Variants in JAM2 observed in about 807,000 individuals in gnomAD.
JAM2 encodes the protein junctional adhesion molecule B.
A neutral mutation model predicts 42.0 loss-of-function variants in JAM2; 17 were observed. The ratio of observed to expected loss-of-function variants is 0.40; its 90% CI spans 0.28 to 0.61. The LOEUF is 0.61. JAM2 is among the 20% of genes least tolerant of loss of function. The pLI, the probability that JAM2 is intolerant of heterozygous loss-of-function variation, is 0.37. For synonymous variants in JAM2, 118 were observed against 128.6 expected, an observed-to-expected ratio of 0.92 and a Z score of 0.56; for missense variants, 319 against 358.3, an observed-to-expected ratio of 0.89 and a Z score of 0.89.
At chr21:25,684,228 G>C (rs2033700483) in intron 2 of JAM2, among the ~76,000 whole-genome samples, 1 of 152,212 alleles carries the variant, frequency 6.6e-6, no homozygotes, top group South Asian at 2.1e-4. Flanking sequence ...CTGGGAGATG[G>C]AGAGCTTGGA....
chr21:25,678,094 C>T (rs1234377476), intron 1 of JAM2, among the ~76,000 whole-genome samples: 4 of 151,988 alleles, frequency 2.6e-5, no homozygotes, highest in African/African-American at 7.2e-5. Flanking sequence ...GGTGTGGTGA[C>T]GCATGCCTGT....
chr21:25,697,520 A>G (rs2034064840), intron 4 of JAM2, among the ~76,000 whole-genome samples: 1 of 152,186 alleles, frequency 6.6e-6, no homozygotes, highest in Non-Finnish European at 1.5e-5. Context: ...TGAGACCAGA[A>G]TAACACTAAT....
chr21:25,642,797 T>C (rs992845840), intron 1 of JAM2, among the ~76,000 whole-genome samples: 1 of 152,178 alleles, frequency 6.6e-6, no homozygotes, highest in Non-Finnish European at 1.5e-5. Flanking sequence ...CTGTTGATTC[T>C]ATGGTGCCTT....
intron 1 of JAM2, among the ~76,000 whole-genome samples, chr21:25,657,383 A>T (rs1394684942): frequency 6.6e-6 from 1 of 152,230 alleles, no homozygotes; most frequent in Admixed American, 6.5e-5. Context: ...TGGCAGGTTC[A>T]AAAGGACAGG....
chr21:25,685,608 A>G (rs2033735263), intron 2 of JAM2, among the ~76,000 whole-genome samples: 1 of 151,886 alleles, frequency 6.6e-6, no homozygotes, highest in African/African-American at 2.4e-5. Context: ...TTATTAGGTT[A>G]ACTAAGTTCT....
chr21:25,681,250 G>A (rs373502648), intron 1 of JAM2, among the ~76,000 whole-genome samples: 4 of 152,202 alleles, frequency 2.6e-5, no homozygotes, highest in African/African-American at 7.2e-5. Context: ...GATGACCAAT[G>A]TATTTGTTCT....
At chr21:25,684,390 A>G (rs1361498974) in intron 2 of JAM2, among the ~76,000 whole-genome samples, 1 of 152,228 alleles carries the variant, frequency 6.6e-6, no homozygotes, top group East Asian at 1.9e-4. Context: ...GAGTTAATTT[A>G]AGAGCATAAA....
intron 1 of JAM2, among the ~76,000 whole-genome samples, chr21:25,643,048 G>A (rs892714037): frequency 2.0e-5 from 3 of 152,160 alleles, no homozygotes; most frequent in Non-Finnish European, 4.4e-5. Flanking sequence ...CCAGATCACG[G>A]TCCAAAGCCT....
intron 1 of JAM2, among the ~76,000 whole-genome samples, chr21:25,678,510 G>T (rs2123360033): frequency 6.6e-6 from 1 of 152,318 alleles, no homozygotes; most frequent in South Asian, 2.1e-4. Flanking sequence ...TAAAAAGATT[G>T]CATGGACCCC....
intron 1 of JAM2, among the ~76,000 whole-genome samples, chr21:25,645,178 G>A (rs781223610): frequency 3.3e-5 from 5 of 152,192 alleles, no homozygotes; most frequent in Non-Finnish European, 5.9e-5. Flanking sequence ...ACCGCGCCTG[G>A]CCTAAAGCTA....
intron 1 of JAM2, among the ~76,000 whole-genome samples, chr21:25,640,526 A>G (rs1385324490): frequency 2.6e-5 from 4 of 152,208 alleles, no homozygotes; most frequent in Admixed American, 2.6e-4. Flanking sequence ...GACGATTGTT[A>G]GAAAGATTCA....
At chr21:25,674,131 C>T (rs146061208) in intron 1 of JAM2, among the ~76,000 whole-genome samples, 62 of 152,258 alleles carry the variant, frequency 4.1e-4, no homozygotes, top group Middle Eastern at 3.4e-3. Flanking sequence ...CAGTGGCTCA[C>T]GCCTATAATC....
intron 1 of JAM2, among the ~76,000 whole-genome samples, chr21:25,642,952 T>C (rs775502270): frequency 3.3e-5 from 5 of 152,220 alleles, no homozygotes; most frequent in Non-Finnish European, 5.9e-5. Flanking sequence ...TCCTGGTTCA[T>C]AGATGGAGCC....
Position 25,716,672 on chromosome 21 carries a change from T to C in JAM2, c.*2000T>C, listed in dbSNP as rs1306542969. ...CACAGACAAAACAAGCAAGTAGTCA[T>C]GTCTGTGTTCCAATAAGACTTTATT... On this transcript the variant is annotated 3_prime_UTR_variant, in exon 10 of 10. Transcript: ENST00000480456. The C allele has an allele frequency of 6.6e-6, 1 of 152,250 alleles. No individual in the cohort carries two copies. Among genetic ancestry groups the C allele is most frequent in the East Asian group, 1.9e-4 (1 of 5,202 alleles). The allele number at this position is 152,250 out of a possible 1,614,324, so 9.4% of individuals were successfully genotyped here.
rs373912144 is a variant in JAM2 at position 25,649,673 on chromosome 21, T to A, written c.67+9785T>A. Among the ~76,000 whole-genome samples, 33 of 152,344 alleles carry A rather than the reference T, an allele frequency of 2.2e-4. 1 individual carries two copies. Among genetic ancestry groups the A allele is most frequent in the African/African-American group, 7.9e-4 (33 of 41,580 alleles). On this transcript the variant is annotated intron_variant, in intron 1 of 9. Coordinates refer to ENST00000480456, the MANE Select transcript of JAM2 (RefSeq NM_021219.4). ...ATGGCCTAATCTCTTTGTTACTCAA[T>A]TGATATAATAGCAATCTATATCCCA...
intron 1 of JAM2, among the ~76,000 whole-genome samples, chr21:25,669,130 T>A (rs2033294139): frequency 6.6e-6 from 1 of 152,226 alleles, no homozygotes; most frequent in Non-Finnish European, 1.5e-5. Flanking sequence ...CCCAGCATTT[T>A]GGGAGGCTGA....
chr21:25,697,022 T>G (rs1005031189), intron 4 of JAM2, among the ~76,000 whole-genome samples: 2 of 151,336 alleles, frequency 1.3e-5, no homozygotes, highest in Non-Finnish European at 2.9e-5. Flanking sequence ...TTTTTTTTTT[T>G]TTTGTAGAGA....
chr21:25,684,508 C>G (rs11087971), intron 2 of JAM2, among the ~76,000 whole-genome samples: 1 of 151,974 alleles, frequency 6.6e-6, no homozygotes, highest in East Asian at 1.9e-4. Context: ...GTGAATTTTA[C>G]GTTTATTTTG....
At chr21:25,714,599 G>GTC in intron 9 of JAM2, 41 bp from the exon 10 acceptor site, 1 of 1,164,502 alleles carries the variant, frequency 8.6e-7, no homozygotes, top group Non-Finnish European at 1.2e-6. Context: ...CTTTAAATAT[G>GTC]AATTCATATA....
Sources: allele counts gnomAD v4.1 joint callset (sites outside exome capture counted in the v4.1 genomes callset), GRCh38; gene constraint gnomAD v4.1.1; transcripts MANE v1.5; gene names NCBI Gene and HGNC (gene_info 2026-07-23, HGNC 2026-07-21).